Variants in DIAPH3 observed in about 807,000 individuals in gnomAD.
DIAPH3 encodes the protein diaphanous related formin 3, also known as protein diaphanous homolog 3.
Under a neutral mutation model 144.3 loss-of-function variants are expected in DIAPH3, and 117 were observed. The ratio of observed to expected loss-of-function variants is 0.81; its 90% CI spans 0.70 to 0.95. DIAPH3 has a LOEUF of 0.95. DIAPH3 is among the 40% of genes least tolerant of loss of function. DIAPH3 has a pLI of 0.00. For synonymous variants in DIAPH3, 519 were observed against 488.9 expected (o/e 1.06, Z -0.81); for missense variants, 1,421 against 1,412.7 (o/e 1.01, Z -0.09).
chr13:59,884,692 A>T (rs551292139), intron 20 of DIAPH3, among the ~76,000 whole-genome samples: 1 of 152,122 alleles, frequency 6.6e-6, no homozygotes, highest in South Asian at 2.1e-4. Context: ...GATATAAAAA[A>T]TATCTTTCAT....
At chr13:59,840,161 A>G (rs2042261190) in intron 22 of DIAPH3, among the ~76,000 whole-genome samples, 1 of 152,176 alleles carries the variant, frequency 6.6e-6, no homozygotes, top group African/African-American at 2.4e-5. Flanking sequence ...TGACACCAGG[A>G]AAAAGATTTA....
intron 22 of DIAPH3, among the ~76,000 whole-genome samples, chr13:59,847,783 G>C (rs979562876): frequency 1.8e-4 from 28 of 152,208 alleles, no homozygotes; most frequent in African/African-American, 6.7e-4. Context: ...TGGAGACCAG[G>C]TCAGCCTCAC....
chr13:59,939,369 C>A (rs185433133), intron 17 of DIAPH3, among the ~76,000 whole-genome samples: 3 of 152,254 alleles, frequency 2.0e-5, no homozygotes, highest in Admixed American at 6.5e-5. Flanking sequence ...AGAACCTAAT[C>A]GCATTTCTAT....
At chr13:59,953,857 T>C (rs538137310) in intron 17 of DIAPH3, among the ~76,000 whole-genome samples, 28 of 152,342 alleles carry the variant, frequency 1.8e-4, no homozygotes, top group Non-Finnish European at 3.4e-4. Context: ...TGCATTATTG[T>C]CTTTAAAAAA....
chr13:59,871,725 A>G (rs910378683), intron 21 of DIAPH3, among the ~76,000 whole-genome samples: 2 of 152,228 alleles, frequency 1.3e-5, no homozygotes, highest in South Asian at 4.1e-4. Flanking sequence ...TGGTGAAACC[A>G]TCTGAGCCTT....
intron 1 of DIAPH3, among the ~76,000 whole-genome samples, chr13:60,158,780 G>A (rs1257902981): frequency 6.6e-6 from 1 of 151,992 alleles, no homozygotes; most frequent in Non-Finnish European, 1.5e-5. Flanking sequence ...GAGGCTATGA[G>A]ATACCCTGTC....
chr13:59,919,562 T>G (rs904280609), intron 18 of DIAPH3, among the ~76,000 whole-genome samples: 97 of 152,168 alleles, frequency 6.4e-4, no homozygotes, highest in African/African-American at 2.2e-3. Context: ...CCGTCAAAAT[T>G]TATTTTTCAG....
intron 3 of DIAPH3, among the ~76,000 whole-genome samples, chr13:60,095,635 A>T (rs1449720505): frequency 2.0e-5 from 3 of 149,838 alleles, no homozygotes; most frequent in African/African-American, 7.4e-5. Context: ...TTAATATTTT[A>T]GTCTGTCTGG....
At chr13:59,778,007 T>C (rs2038514983) in intron 25 of DIAPH3, among the ~76,000 whole-genome samples, 1 of 152,238 alleles carries the variant, frequency 6.6e-6, no homozygotes, top group South Asian at 2.1e-4. Context: ...TATCAGAGTG[T>C]GATAACTGTA....
chr13:59,797,947 C>T (rs2039699498), intron 25 of DIAPH3, among the ~76,000 whole-genome samples: 1 of 152,126 alleles, frequency 6.6e-6, no homozygotes, highest in Admixed American at 6.6e-5. Flanking sequence ...GTGTTTCTTA[C>T]CCTATGCCAG....
intron 21 of DIAPH3, among the ~76,000 whole-genome samples, chr13:59,877,289 C>A (rs1394051960): frequency 6.6e-6 from 1 of 151,954 alleles, no homozygotes; most frequent in Non-Finnish European, 1.5e-5. Context: ...TATTTTTGAC[C>A]TTTCTCTCTT....
chr13:59,895,804 T>C (rs1392620228), intron 20 of DIAPH3, among the ~76,000 whole-genome samples: 3 of 152,196 alleles, frequency 2.0e-5, no homozygotes, highest in Non-Finnish European at 4.4e-5. Context: ...GCCACAAGAA[T>C]AATGAGCCAG....
intron 21 of DIAPH3, 74 bp downstream of exon 21, chr13:59,879,155 A>T: frequency 6.3e-7 from 1 of 1,590,574 alleles, no homozygotes; most frequent in Non-Finnish European, 8.6e-7. Context: ...AAAAATATTT[A>T]AATAATGCAA....
Position 60,063,762 on chromosome 13 carries a change from A to G in DIAPH3, c.496-20942T>C, listed in dbSNP as rs372219449. On this transcript the variant is annotated intron_variant, in intron 4 of 27. Transcript: ENST00000400324. ...GCCAACAAGGTGAAACCCTGTCTCTACTAAAAAATACACAAAATTAGCCAG... is the reference window on the plus strand; with the variant it reads ...GCCAACAAGGTGAAACCCTGTCTCTGCTAAAAAATACACAAAATTAGCCAG... 3.4e-4 allele frequency among the ~76,000 whole-genome samples: 52 copies of G among 152,224 alleles called. No individual in the cohort carries two copies. In the East Asian group the frequency reaches 9.3e-3, roughly 27 times the overall value.
intron 2 of DIAPH3, among the ~76,000 whole-genome samples, chr13:60,119,575 G>A (rs2058785873): frequency 1.3e-5 from 2 of 150,922 alleles, no homozygotes; most frequent in Non-Finnish European, 3.0e-5. Context: ...GTGAAACCCC[G>A]TCTCTACTAA....
intron 4 of DIAPH3, among the ~76,000 whole-genome samples, chr13:60,050,335 G>T (rs2056276952): frequency 6.6e-6 from 1 of 152,186 alleles, no homozygotes; most frequent in Non-Finnish European, 1.5e-5. Context: ...AATGAACTTG[G>T]CATATTTAGA....
chr13:60,015,377 T>C, intron 7 of DIAPH3, among the ~76,000 whole-genome samples: 1 of 152,190 alleles, frequency 6.6e-6, no homozygotes, highest in East Asian at 1.9e-4. Flanking sequence ...TTAAGCCTCA[T>C]TGCTCTATTT....
chr13:59,712,744 A>T (rs532532409), intron 27 of DIAPH3, among the ~76,000 whole-genome samples: 1 of 152,184 alleles, frequency 6.6e-6, no homozygotes, highest in South Asian at 2.1e-4. Context: ...GTTCACTTTA[A>T]TAAGTCTTCC....
At chr13:59,920,906 A>G (rs1455876148) in intron 18 of DIAPH3, among the ~76,000 whole-genome samples, 1 of 151,884 alleles carries the variant, frequency 6.6e-6, no homozygotes, top group Non-Finnish European at 1.5e-5. Flanking sequence ...TCTGACCACA[A>G]TGGAATAAAA....
Sources: gnomAD v4.1 joint callset for allele counts (sites outside exome capture counted in the v4.1 genomes callset) on GRCh38, gnomAD v4.1.1 for gene constraint, MANE v1.5 for transcripts, NCBI Gene and HGNC (gene_info 2026-07-23, HGNC 2026-07-21) for gene names.